The following EXOC6B variants were observed in gnomAD, a reference collection of about 807,000 sequenced individuals.
EXOC6B encodes SEC15 homolog B.
EXOC6B carries 54 observed loss-of-function variants against 113.5 expected under a neutral mutation model. That is an observed-to-expected ratio of 0.48 (90% CI 0.38 to 0.60). The LOEUF is 0.60. Ranked by LOEUF, EXOC6B falls within the 20% of genes least tolerant of loss-of-function variation. EXOC6B has a pLI of 0.00. For missense variants in EXOC6B, 797 were observed against 977.5 expected (o/e 0.82, Z 2.46); for synonymous variants, 357 against 339.0 (o/e 1.05, Z -0.58).
intron 6 of EXOC6B, among the ~76,000 whole-genome samples, chr2:72,668,568 G>A (rs1431287423): frequency 4.6e-5 from 7 of 152,086 alleles, no homozygotes; most frequent in East Asian, 1.9e-4. Flanking sequence ...CATATACACC[G>A]TGGAATGCTA....
chr2:72,740,854 G>A (rs1681263116), intron 2 of EXOC6B, among the ~76,000 whole-genome samples: 1 of 152,178 alleles, frequency 6.6e-6, no homozygotes, highest in Non-Finnish European at 1.5e-5. Context: ...TGTAATCCCA[G>A]CACCTTGGGA....
chr2:72,489,797 A>C (rs1176130218), intron 16 of EXOC6B, among the ~76,000 whole-genome samples: 4 of 152,226 alleles, frequency 2.6e-5, no homozygotes, highest in African/African-American at 9.6e-5. Context: ...TTGAAAAAGA[A>C]AGGCATTCAT....
intron 2 of EXOC6B, among the ~76,000 whole-genome samples, chr2:72,734,138 A>C (rs1680810587): frequency 6.6e-6 from 1 of 152,188 alleles, no homozygotes; most frequent in Non-Finnish European, 1.5e-5. Context: ...GATCTTCTCA[A>C]GGAGCTAGTT....
rs1420134556 is a variant in EXOC6B at position 72,593,459 on chromosome 2, T to G, written c.670-17791A>C. ...TAGATAGTATCACAATTGCGTTAAA[T>G]TGGAGGACATTCAGTTGATGTTCAG... On this transcript the variant is annotated intron_variant, in intron 6 of 21. Coordinates refer to ENST00000272427, the MANE Select transcript of EXOC6B (RefSeq NM_015189.3). Among the ~76,000 whole-genome samples the G allele has an allele frequency of 2.0e-5, 3 of 152,098 alleles. No homozygotes were observed. In the East Asian group the frequency reaches 5.8e-4, roughly 29 times the overall value.
At chr2:72,711,256 C>T (rs1679255293) in intron 6 of EXOC6B, among the ~76,000 whole-genome samples, 1 of 151,800 alleles carries the variant, frequency 6.6e-6, no homozygotes, top group Non-Finnish European at 1.5e-5. Flanking sequence ...TGGAAACACA[C>T]AGGAAGAAGA....
chr2:72,330,689 T>C (rs1348691358), intron 20 of EXOC6B, among the ~76,000 whole-genome samples: 1 of 152,092 alleles, frequency 6.6e-6, no homozygotes, highest in Non-Finnish European at 1.5e-5. Context: ...ATTGTTTATA[T>C]ATGTCTTATA....
Position 72,579,877 on chromosome 2 carries a change from A to C in EXOC6B, c.670-4209T>G, listed in dbSNP as rs528744102. 5.9e-5 allele frequency among the ~76,000 whole-genome samples: 9 copies of C among 152,278 alleles called. 1 individual carries two copies. The highest frequency in any genetic ancestry group is 1.9e-4 in the East Asian group (1 of 5,178). On this transcript the variant is annotated intron_variant, in intron 6 of 21. Transcript: ENST00000272427. The stretch of plus-strand genomic sequence containing the variant: ...CAAATATAATTATATAGGCTTCAAT[A>C]ACAGGGGAGAAACAAAGCTTCTTGG...
intron 15 of EXOC6B, 34 bp from the exon 16 acceptor site, chr2:72,492,463 G>A (rs72845177): frequency 3.0e-5 from 42 of 1,410,468 alleles, no homozygotes; most frequent in Non-Finnish European, 4.0e-5. Context: ...AGTCATAGCA[G>A]GTAGCAGAAT....
intron 8 of EXOC6B, among the ~76,000 whole-genome samples, chr2:72,532,190 TAAAA>T (rs2105758437): frequency 6.6e-6 from 1 of 152,224 alleles, no homozygotes; most frequent in South Asian, 2.1e-4. Flanking sequence ...TCTTAATAAA[TAAAA>T]CATAAACGTT....
intron 20 of EXOC6B, among the ~76,000 whole-genome samples, chr2:72,281,539 G>A (rs1685132877): frequency 6.6e-6 from 1 of 152,044 alleles, no homozygotes; most frequent in Admixed American, 6.5e-5. Flanking sequence ...AGAACAGATT[G>A]GATAGAGGAT....
At position 72,710,940 on chromosome 2, in the gene EXOC6B, G is replaced by A. The variant is rs545851025; in HGVS notation, c.669+7163C>T. Among the ~76,000 whole-genome samples the A allele has an allele frequency of 5.3e-5, 8 of 152,274 alleles. 1 individual carries two copies. The highest frequency in any genetic ancestry group is 1.9e-4 in the African/African-American group (8 of 41,568). On this transcript the variant is annotated intron_variant, in intron 6 of 21. Coordinates refer to ENST00000272427, the MANE Select transcript of EXOC6B (RefSeq NM_015189.3). ...AACCCATATAATCTGGCAAAGGCAA[G>A]TTAGAATTGTAAAAGTAAATAAATC...
chr2:72,196,387 G>C lies in EXOC6B; in HGVS notation c.2197-12200C>G, dbSNP rs184675918. Among the ~76,000 whole-genome samples the C allele has an allele frequency of 1.4e-4, 22 of 152,218 alleles. No individual in the cohort carries two copies. In the East Asian group the frequency reaches 2.5e-3, roughly 17 times the overall value. Reference sequence around the variant, plus strand: ...AAATTTAGAATAAGCTAGGCTCTCTGTGGCCTATGAAATATGCTTGAGTCT... The same window carrying C: ...AAATTTAGAATAAGCTAGGCTCTCTCTGGCCTATGAAATATGCTTGAGTCT... On this transcript the variant is annotated intron_variant, in intron 20 of 21. Transcript: ENST00000272427.
At chr2:72,459,123 G>C (rs1192639881) in intron 18 of EXOC6B, among the ~76,000 whole-genome samples, 1 of 152,130 alleles carries the variant, frequency 6.6e-6, no homozygotes, top group Admixed American at 6.6e-5. Flanking sequence ...TATCTCAATA[G>C]AGGCAGAAAA....
intron 6 of EXOC6B, among the ~76,000 whole-genome samples, chr2:72,652,793 T>C (rs943300239): frequency 1.4e-5 from 2 of 147,942 alleles, no homozygotes; most frequent in Admixed American, 6.8e-5. Flanking sequence ...AATATAATTA[T>C]ATAAGATAAT....
chr2:72,741,537 T>A (rs1224745747), intron 1 of EXOC6B, 68 bp from the exon 2 acceptor site: 17 of 1,456,122 alleles, frequency 1.2e-5, no homozygotes, highest in Non-Finnish European at 1.5e-5. Context: ...AAATTATAAA[T>A]CCAGAAGCAA....
intron 20 of EXOC6B, among the ~76,000 whole-genome samples, chr2:72,268,348 G>A (rs137866205): frequency 1.3e-3 from 197 of 152,158 alleles, no homozygotes; most frequent in African/African-American, 4.5e-3. Context: ...TGGCCTCAAG[G>A]TGATCCACCC....
chr2:72,559,276 C>A (rs1703749411), intron 8 of EXOC6B, among the ~76,000 whole-genome samples, 177 bp downstream of exon 8: 1 of 152,150 alleles, frequency 6.6e-6, no homozygotes, highest in Non-Finnish European at 1.5e-5. Flanking sequence ...CTAGCCATAG[C>A]ATATTACATA....
At chr2:72,182,173 G>A (rs2104210399) in intron 21 of EXOC6B, among the ~76,000 whole-genome samples, 1 of 152,262 alleles carries the variant, frequency 6.6e-6, no homozygotes, top group East Asian at 1.9e-4. Context: ...AAACTCTTCT[G>A]ATTGCTAGGG....
chr2:72,651,852 AT>A (rs1674191127), intron 6 of EXOC6B, among the ~76,000 whole-genome samples: 1 of 152,208 alleles, frequency 6.6e-6, no homozygotes, highest in East Asian at 1.9e-4. Flanking sequence ...TGACCTTGTG[AT>A]CCGCCCACCT....
Sources: allele counts gnomAD v4.1 joint callset (sites outside exome capture counted in the v4.1 genomes callset), GRCh38; gene constraint gnomAD v4.1.1; transcripts MANE v1.5; gene names NCBI Gene and HGNC (gene_info 2026-07-23, HGNC 2026-07-21).